Variants in CCDC7 observed in about 807,000 individuals in gnomAD.
CCDC7 encodes coiled-coil domain-containing protein 7.
A neutral mutation model predicts 196.9 loss-of-function variants in CCDC7; 183 were observed. The observed-to-expected ratio is 0.93, with a 90% confidence interval of 0.82 to 1.05. The LOEUF (loss-of-function observed/expected upper bound fraction) is 1.05, where lower values mean the gene tolerates loss of function less well. Among genes scored for constraint, CCDC7 ranks in the 50% least tolerant of loss-of-function variants. CCDC7 has a pLI of 0.00. For missense variants in CCDC7, 1,540 were observed against 1,482.2 expected (o/e 1.04, Z -0.64); for synonymous variants, 525 against 484.6 (o/e 1.08, Z -1.10).
intron 20 of CCDC7, among the ~76,000 whole-genome samples, chr10:32,645,783 A>C (rs1472645221): frequency 6.6e-6 from 1 of 151,948 alleles, no homozygotes; most frequent in Non-Finnish European, 1.5e-5. Context: ...CGTGTGTCCA[A>C]GAATTTATCC....
At chr10:32,774,909 T>C (rs2134165769) in intron 28 of CCDC7, among the ~76,000 whole-genome samples, 1 of 152,316 alleles carries the variant, frequency 6.6e-6, no homozygotes, top group Non-Finnish European at 1.5e-5. Flanking sequence ...AGGTTTGGTA[T>C]CATATTATTA....
At chr10:32,638,507 G>A (rs1419006735) in intron 20 of CCDC7, among the ~76,000 whole-genome samples, 1 of 152,068 alleles carries the variant, frequency 6.6e-6, no homozygotes, top group East Asian at 1.9e-4. Context: ...TTTGTCTTTG[G>A]TTCTGTTTAT....
chr10:32,628,371 C>A (rs1392145864), intron 18 of CCDC7, among the ~76,000 whole-genome samples: 5 of 151,446 alleles, frequency 3.3e-5, no homozygotes, highest in South Asian at 4.2e-4. Context: ...AGTTGTAATA[C>A]CTCCTTTTCT....
At chr10:32,523,393 GA>G (rs1394026812) in intron 11 of CCDC7, among the ~76,000 whole-genome samples, 2 of 151,766 alleles carry the variant, frequency 1.3e-5, no homozygotes. Context: ...TAAAAAATAC[GA>G]AAAAATTAGC....
chr10:32,625,137 G>A (rs900007906), intron 18 of CCDC7, among the ~76,000 whole-genome samples: 2 of 151,092 alleles, frequency 1.3e-5, no homozygotes, highest in Admixed American at 6.6e-5. Flanking sequence ...CCTTCTGGAC[G>A]TTTTATGGTA....
rs60552451 is a variant in CCDC7 at position 32,460,096 on chromosome 10, A to T, written c.457-2587A>T. ...AAGAAACAATCACAAAACAAATACA[A>T]ATCATAAAAGGCAATATTGATAAAT... On this transcript the variant is annotated intron_variant, in intron 3 of 41. Transcript: ENST00000639629. Among the ~76,000 whole-genome samples, 727 of 152,284 alleles carry T rather than the reference A, an allele frequency of 4.8e-3. 12 individuals are homozygous for T. The highest frequency in any genetic ancestry group is 0.017 in the African/African-American group (703 of 41,552).
At chr10:32,722,432 G>A (rs2082548152) in intron 25 of CCDC7, among the ~76,000 whole-genome samples, 1 of 152,082 alleles carries the variant, frequency 6.6e-6, no homozygotes, top group Non-Finnish European at 1.5e-5. Context: ...AACAAAAATT[G>A]TCGTCAGTGG....
At chr10:32,788,520 G>T (rs2082209589) in intron 29 of CCDC7, among the ~76,000 whole-genome samples, 1 of 152,180 alleles carries the variant, frequency 6.6e-6, no homozygotes, top group Non-Finnish European at 1.5e-5. Flanking sequence ...CCCCAGACTT[G>T]CCTCTGCAAA....
intron 28 of CCDC7, among the ~76,000 whole-genome samples, chr10:32,752,913 T>A (rs1251271653): frequency 3.9e-5 from 6 of 152,152 alleles, no homozygotes; most frequent in Non-Finnish European, 7.4e-5. Flanking sequence ...AGGAGAGGGA[T>A]GACAACTTGT....
At chr10:32,684,728 C>T (rs962372181) in intron 21 of CCDC7, among the ~76,000 whole-genome samples, 22 of 152,230 alleles carry the variant, frequency 1.4e-4, no homozygotes, top group Admixed American at 1.2e-3. Flanking sequence ...GATTGTATTG[C>T]AGTTCCAAAA....
chr10:32,639,346 T>G (rs886208748), intron 20 of CCDC7, among the ~76,000 whole-genome samples: 1 of 152,214 alleles, frequency 6.6e-6, no homozygotes, highest in African/African-American at 2.4e-5. Flanking sequence ...TTTTAGATCT[T>G]TCCTGCTTTC....
At chr10:32,613,205 G>A (rs542979293) in intron 18 of CCDC7, among the ~76,000 whole-genome samples, 1 of 152,128 alleles carries the variant, frequency 6.6e-6, no homozygotes, top group South Asian at 2.1e-4. Context: ...TATTTTATTT[G>A]CCTAGAGGTG....
At chr10:32,523,447 G>A (rs780473897) in intron 11 of CCDC7, among the ~76,000 whole-genome samples, 2 of 151,854 alleles carry the variant, frequency 1.3e-5, no homozygotes, top group Non-Finnish European at 2.9e-5. Flanking sequence ...TACTCGGGAG[G>A]CTGACACAGG....
chr10:32,725,705 G>A (rs1174427645), intron 25 of CCDC7, among the ~76,000 whole-genome samples: 3 of 151,996 alleles, frequency 2.0e-5, no homozygotes, highest in Admixed American at 1.3e-4. Context: ...CATGTCACAT[G>A]GCAAGAGAAG....
At chr10:32,854,447 C>T (rs762976940) in exon 41 of CCDC7, 3 of 1,607,694 alleles carry the variant, frequency 1.9e-6, no homozygotes, top group Admixed American at 1.7e-5. Context: ...TGAATTTACT[C>T]TGCCTACTGT....
At chr10:32,536,668 C>G (rs766823920) in intron 11 of CCDC7, among the ~76,000 whole-genome samples, 3 of 152,110 alleles carry the variant, frequency 2.0e-5, no homozygotes, top group Non-Finnish European at 4.4e-5. Context: ...TCCTACCACT[C>G]TCCACTCTCA....
At chr10:32,471,924 G>C (rs2038037050) in intron 6 of CCDC7, among the ~76,000 whole-genome samples, 1 of 152,092 alleles carries the variant, frequency 6.6e-6, no homozygotes, top group Non-Finnish European at 1.5e-5. Context: ...TGACATTTAA[G>C]TGTCTGCTGT....
At chr10:32,790,234 T>C (rs539107700) in intron 29 of CCDC7, among the ~76,000 whole-genome samples, 16 of 152,342 alleles carry the variant, frequency 1.1e-4, no homozygotes, top group South Asian at 2.1e-4. Flanking sequence ...CATTGTTCTA[T>C]TGGGGGCTGT....
At chr10:32,745,207 C>T (rs1259779458) in intron 28 of CCDC7, among the ~76,000 whole-genome samples, 1 of 152,184 alleles carries the variant, frequency 6.6e-6, no homozygotes, top group Non-Finnish European at 1.5e-5. Context: ...ACCACACTGT[C>T]TTGACTACTG....
Sources: gnomAD v4.1 joint callset for allele counts (sites outside exome capture counted in the v4.1 genomes callset) on GRCh38, gnomAD v4.1.1 for gene constraint, MANE v1.5 for transcripts, NCBI Gene and HGNC (gene_info 2026-07-23, HGNC 2026-07-21) for gene names.